The following CLGN variants were observed in gnomAD, a reference collection of about 807,000 sequenced individuals.
CLGN encodes testis tissue sperm-binding protein Li 79P.
Under a neutral mutation model 79.1 loss-of-function variants are expected in CLGN, and 62 were observed. The observed-to-expected ratio is 0.78, with a 90% CI of 0.64 to 0.97. CLGN has a LOEUF of 0.97. Among genes scored for constraint, CLGN ranks in the 50% least tolerant of loss-of-function variants. The pLI, the probability that CLGN is intolerant of heterozygous loss-of-function variation, is 0.00. For missense variants in CLGN, 647 were observed against 715.5 expected (o/e 0.90, Z 1.09); for synonymous variants, 225 against 224.7 (o/e 1.00, Z -0.01).
Position 140,396,209 on chromosome 4 carries a change from T to C in CLGN, c.885-4A>G. On this transcript the variant is annotated splice_polypyrimidine_tract_variant and splice_region_variant and intron_variant, in intron 8 of 14. Transcript: ENST00000325617. ...TTGGGCAGGTTCACTTTCATCCCTG[T>C]AAATACAACGTTTTATATTACTAAT... 2.5e-6 allele frequency: 4 copies of C among 1,598,650 alleles called. No homozygotes were observed. The highest frequency in any genetic ancestry group is 3.4e-6 in the Non-Finnish European group (4 of 1,166,046).
At chr4:140,415,129 C>G (rs1375595287) in intron 1 of CLGN, among the ~76,000 whole-genome samples, 3 of 151,812 alleles carry the variant, frequency 2.0e-5, no homozygotes, top group Admixed American at 2.0e-4. Context: ...GAAATAAAAT[C>G]CTTTACAGAC....
chr4:140,426,861 G>A (rs970831072), intron 1 of CLGN: 2 of 152,216 alleles, frequency 1.3e-5, no homozygotes, highest in Non-Finnish European at 2.9e-5. Context: ...TAGTAATTAG[G>A]GCCTCTCTGG....
intron 5 of CLGN, among the ~76,000 whole-genome samples, chr4:140,404,549 C>A (rs1323063183): frequency 6.6e-6 from 1 of 152,112 alleles, no homozygotes; most frequent in Non-Finnish European, 1.5e-5. Context: ...TTTATTTACC[C>A]CATTTCATTT....
intron 10 of CLGN, among the ~76,000 whole-genome samples, chr4:140,395,199 T>C (rs1241188162): frequency 6.7e-6 from 1 of 149,860 alleles, no homozygotes; most frequent in East Asian, 2.0e-4. Flanking sequence ...CAGGCGGGAG[T>C]GCAGTGGCAC....
At chr4:140,413,661 C>A (rs142350521) in intron 1 of CLGN, among the ~76,000 whole-genome samples, 3 of 152,158 alleles carry the variant, frequency 2.0e-5, no homozygotes, top group African/African-American at 7.2e-5. Flanking sequence ...GCTTAAAAAA[C>A]GGCGCACCAC....
In CLGN at chr4:140,410,564, T is replaced by C; in HGVS notation, c.207A>G (p.Gly69=). 6.3e-7 allele frequency: 1 copy of C among 1,599,820 alleles called. No homozygotes were observed. Among genetic ancestry groups the C allele is most frequent in the Non-Finnish European group, 8.6e-7 (1 of 1,167,524 alleles). Residue 69 remains glycine (G), a synonymous_variant, in exon 3 of 15, where the codon GGA becomes GGG. Coordinates refer to ENST00000325617, the MANE Select transcript of CLGN (RefSeq NM_004362.3). ...GAATGAATACTCACCCAGCCAACCTTCCACTATCAAAAGTTTCTGCAAAAT... is the reference window on the plus strand; with the variant it reads ...GAATGAATACTCACCCAGCCAACCTCCCACTATCAAAAGTTTCTGCAAAAT... The part of the protein sequence containing the change: ...EVYFAETFDS[G]RLAGWVLSKA...
At chr4:140,390,803 A>G in intron 13 of CLGN, 75 bp from the exon 14 acceptor site, 1 of 900,176 alleles carries the variant, frequency 1.1e-6, no homozygotes, top group East Asian at 2.9e-5. Flanking sequence ...TAAATACAAT[A>G]AATGGGATTT....
intron 7 of CLGN, 23 bp downstream of exon 7, chr4:140,400,334 A>T: frequency 6.6e-7 from 1 of 1,521,950 alleles, no homozygotes; most frequent in Non-Finnish European, 9.0e-7. Flanking sequence ...TTTTGAATAC[A>T]TGAATGAATT....
chr4:140,401,416 A>G (rs762525112), intron 6 of CLGN, among the ~76,000 whole-genome samples: 1 of 152,122 alleles, frequency 6.6e-6, no homozygotes, highest in Non-Finnish European at 1.5e-5. Context: ...TGAAAAATAT[A>G]CCCCTGATGT....
chr4:140,420,257 T>A (rs1729437926), intron 1 of CLGN, among the ~76,000 whole-genome samples: 2 of 152,118 alleles, frequency 1.3e-5, no homozygotes. Flanking sequence ...GCACCCCAGT[T>A]TTATTTGTAT....
At chr4:140,423,038 G>A (rs927778920) in intron 1 of CLGN, among the ~76,000 whole-genome samples, 2 of 152,098 alleles carry the variant, frequency 1.3e-5, no homozygotes, top group African/African-American at 4.8e-5. Context: ...CAATTTGAAT[G>A]TCTTTTTTCT....
intron 6 of CLGN, among the ~76,000 whole-genome samples, chr4:140,401,175 G>A (rs1407846017): frequency 6.6e-6 from 1 of 152,106 alleles, no homozygotes; most frequent in African/African-American, 2.4e-5. Flanking sequence ...GATGATAATA[G>A]TACCTACCTT....
chr4:140,414,010 G>C (rs1292266937), intron 1 of CLGN, among the ~76,000 whole-genome samples: 2 of 152,242 alleles, frequency 1.3e-5, no homozygotes, highest in African/African-American at 4.8e-5. Context: ...CTGGAGATCT[G>C]AGAACGGGCA....
At chr4:140,405,889 C>T (rs1023085942) in intron 5 of CLGN, 53 bp downstream of exon 5, 1 of 1,545,494 alleles carries the variant, frequency 6.5e-7, no homozygotes, top group African/African-American at 1.4e-5. Flanking sequence ...TATTCAGAAG[C>T]CAAAGCTAAT....
chr4:140,411,838 C>T (rs1245734964), intron 2 of CLGN, among the ~76,000 whole-genome samples: 1 of 152,058 alleles, frequency 6.6e-6, no homozygotes, highest in Non-Finnish European at 1.5e-5. Flanking sequence ...AGGCTTCCTT[C>T]TGATAGGCCA....
chr4:140,412,990 T>A lies in CLGN; in HGVS notation c.89A>T (p.Asp30Val). Residue 30 changes from aspartate to valine, a missense_variant, in exon 2 of 15, where the codon GAC becomes GTC. Physicochemically the swap from Asp to Val is radical, Grantham distance 152. Coordinates refer to ENST00000325617, the MANE Select transcript of CLGN (RefSeq NM_004362.3). ...AATTTCTTCTGAATTTTCTTCAAAG[T>A]CTTCCGTCTCAACATCATCATCCAT... is the stretch of plus-strand genomic sequence containing the variant. ...EFMDDDVETE[D>V]FEENSEEIDV... 1 of 1,613,578 alleles carries A rather than the reference T, an allele frequency of 6.2e-7. No individual in the cohort carries two copies. The highest frequency in any genetic ancestry group is 8.5e-7 in the Non-Finnish European group (1 of 1,179,706).
intron 2 of CLGN, among the ~76,000 whole-genome samples, chr4:140,412,227 T>A (rs901099216): frequency 6.6e-6 from 1 of 152,124 alleles, no homozygotes; most frequent in Non-Finnish European, 1.5e-5. Context: ...GGAAATGAAG[T>A]AAAGAAATCT....
chr4:140,397,477 A>G (rs1428045189), intron 8 of CLGN, among the ~76,000 whole-genome samples: 4 of 151,318 alleles, frequency 2.6e-5, no homozygotes, highest in Admixed American at 2.6e-4. Context: ...TTTGCAATAT[A>G]CAAATCATTT....
At chr4:140,413,897 G>A (rs1729267532) in intron 1 of CLGN, among the ~76,000 whole-genome samples, 1 of 152,258 alleles carries the variant, frequency 6.6e-6, no homozygotes, top group African/African-American at 2.4e-5. Context: ...CTCCACCTCT[G>A]GGGGCAGGGC....
Sources: gnomAD v4.1 joint callset for allele counts (sites outside exome capture counted in the v4.1 genomes callset) on GRCh38, gnomAD v4.1.1 for gene constraint, MANE v1.5 for transcripts, NCBI Gene and HGNC (gene_info 2026-07-23, HGNC 2026-07-21) for gene names.